DNAH11: variants seen among roughly 807,000 people sequenced by gnomAD.
The protein encoded by DNAH11 is axonemal beta dynein heavy chain 11.
DNAH11 carries 442 observed loss-of-function variants against 526.0 expected under a neutral mutation model. The ratio of observed to expected loss-of-function variants is 0.84; its 90% CI spans 0.78 to 0.91. The LOEUF is 0.91. DNAH11 is among the 40% of genes least tolerant of loss of function. The probability of loss-of-function intolerance (pLI) is 0.00; values close to 1 mark genes in which losing one functional copy is unlikely to be tolerated. For missense variants in DNAH11, 6,989 were observed against 5,448.7 expected (o/e 1.28, Z -8.90); for synonymous variants, 2,461 against 1,935.9 (o/e 1.27, Z -7.12).
At chr7:21,882,114 C>T (rs1001737050) in intron 75 of DNAH11, among the ~76,000 whole-genome samples, 2 of 152,118 alleles carry the variant, frequency 1.3e-5, no homozygotes, top group African/African-American at 2.4e-5. Context: ...CATAACTGTC[C>T]TGTGAGGCTG....
At chr7:21,679,094 C>T (rs1418693617) in intron 30 of DNAH11, among the ~76,000 whole-genome samples, 1 of 151,918 alleles carries the variant, frequency 6.6e-6, no homozygotes, top group African/African-American at 2.4e-5. Flanking sequence ...TTTGTGACAA[C>T]CTGGATGAAT....
At chr7:21,649,701 ATGCTGGAG>A (rs1375190542) in intron 28 of DNAH11, among the ~76,000 whole-genome samples, 12 of 144,696 alleles carry the variant, frequency 8.3e-5, no homozygotes, top group South Asian at 2.2e-4. Flanking sequence ...TCTGTCACCC[ATGCTGGAG>A]TGCTGGAGTG....
At chr7:21,846,830 C>G (rs1397804435) in intron 66 of DNAH11, among the ~76,000 whole-genome samples, 1 of 152,044 alleles carries the variant, frequency 6.6e-6, no homozygotes, top group Admixed American at 6.6e-5. Flanking sequence ...ATCATCTGGA[C>G]CTGGTGCTTT....
intron 8 of DNAH11, among the ~76,000 whole-genome samples, chr7:21,579,230 C>T (rs1040158676): frequency 4.6e-5 from 7 of 152,242 alleles, no homozygotes; most frequent in African/African-American, 1.7e-4. Flanking sequence ...CAGAATACAG[C>T]AACATTTTTA....
intron 34 of DNAH11, among the ~76,000 whole-genome samples, chr7:21,689,677 T>C (rs954578813): frequency 1.4e-4 from 21 of 152,248 alleles, no homozygotes; most frequent in African/African-American, 4.1e-4. Flanking sequence ...GTTTTCTCCA[T>C]TTTTATCTTG....
chr7:21,857,438 C>T (rs866874939), intron 68 of DNAH11, among the ~76,000 whole-genome samples: 1 of 152,010 alleles, frequency 6.6e-6, no homozygotes, highest in Non-Finnish European at 1.5e-5. Flanking sequence ...CACCAGAAGA[C>T]ATTTCCTTTT....
intron 31 of DNAH11, 163 bp downstream of exon 31, chr7:21,681,840 C>T: frequency 1.1e-6 from 1 of 907,288 alleles, no homozygotes; most frequent in Non-Finnish European, 1.8e-6. Context: ...TTTGGTTAGC[C>T]AATATATTAT....
intron 30 of DNAH11, among the ~76,000 whole-genome samples, chr7:21,666,533 C>G (rs1782425967): frequency 6.6e-6 from 1 of 152,046 alleles, no homozygotes; most frequent in South Asian, 2.1e-4. Flanking sequence ...ATTAACCATC[C>G]TCTCCCTCTC....
chr7:21,681,589 T>C lies in DNAH11; in HGVS notation c.5372T>C (p.Leu1791Pro), dbSNP rs1341240359. The change falls in exon 31 of 82, where the codon CTT becomes CCT. Residue 1791 changes from leucine (L) to proline (P), a missense_variant. Physicochemically the swap from Leu to Pro is moderately conservative, Grantham distance 98. Coordinates refer to ENST00000409508, the MANE Select transcript of DNAH11 (RefSeq NM_001277115.2). ...NTLITLLLGE[L>P]PPGDRQKIMT... Reference sequence around the variant, plus strand: ...CTGATTACACTTTTGCTGGGAGAACTTCCACCTGGAGACAGACAGAAGATC... The same window carrying C: ...CTGATTACACTTTTGCTGGGAGAACCTCCACCTGGAGACAGACAGAAGATC... 4 of 1,613,930 alleles carry C rather than the reference T, an allele frequency of 2.5e-6. No individual in the cohort carries two copies. Among genetic ancestry groups the C allele is most frequent in the Non-Finnish European group, 3.4e-6 (4 of 1,179,820 alleles).
At chr7:21,732,454 A>T (rs1785423232) in intron 45 of DNAH11, among the ~76,000 whole-genome samples, 1 of 152,090 alleles carries the variant, frequency 6.6e-6, no homozygotes, top group East Asian at 1.9e-4. Flanking sequence ...CACGACATGA[A>T]TGTTGGGGGG....
chr7:21,733,115 A>G (rs1785450897), intron 45 of DNAH11, among the ~76,000 whole-genome samples: 1 of 152,186 alleles, frequency 6.6e-6, no homozygotes, highest in South Asian at 2.1e-4. Context: ...GGCCAGGTGC[A>G]GTGACTCAAG....
At chr7:21,549,180 A>C (rs890687730) in intron 2 of DNAH11, among the ~76,000 whole-genome samples, 1 of 152,190 alleles carries the variant, frequency 6.6e-6, no homozygotes, top group African/African-American at 2.4e-5. Context: ...TACCTGGCCA[A>C]TGACAGACTT....
At chr7:21,643,288 T>TA (rs531641443) in intron 28 of DNAH11, among the ~76,000 whole-genome samples, 27 of 152,372 alleles carry the variant, frequency 1.8e-4, no homozygotes, top group Non-Finnish European at 4.0e-4. Flanking sequence ...CAGGTTGTTA[T>TA]ATACTACCTT....
chr7:21,659,950 C>CT lies in DNAH11; in HGVS notation c.5328+920dup, dbSNP rs1782175327. 2.6e-5 allele frequency among the ~76,000 whole-genome samples: 4 copies of CT among 152,070 alleles called. No homozygotes were observed. The South Asian group carries it at 8.3e-4, about 32-fold the overall frequency. Reference sequence around the variant, plus strand: ...GCGACCACCCAACTTATTTATATTACTAAAGAAGTGTTTGTACCACTTACT... The same window carrying CT: ...GCGACCACCCAACTTATTTATATTACTTAAAGAAGTGTTTGTACCACTTACT... On this transcript the variant is annotated intron_variant, in intron 30 of 81. Transcript: ENST00000409508.
intron 65 of DNAH11, among the ~76,000 whole-genome samples, chr7:21,829,411 A>G (rs748688706): frequency 6.6e-5 from 10 of 152,290 alleles, no homozygotes; most frequent in African/African-American, 9.6e-5. Context: ...TAATAATACA[A>G]TATCTTAGGA....
chr7:21,821,357 T>A (rs924842354), intron 65 of DNAH11, among the ~76,000 whole-genome samples: 1 of 152,258 alleles, frequency 6.6e-6, no homozygotes, highest in Middle Eastern at 3.4e-3. Flanking sequence ...GGAATATCTA[T>A]CTGGCGAAGC....
Position 21,735,621 on chromosome 7 carries a change from A to G in DNAH11, c.7441-19A>G, listed in dbSNP as rs10247099. 1.4e-3 allele frequency: 2,252 copies of G among 1,559,458 alleles called. 34 individuals carry two copies. In the African/African-American group the frequency reaches 0.028, roughly 19 times the overall value. ...TCTCTCTCTTTCTGATCTTTGTCTC[A>G]TTCTGTTTCTCCTCCCAGACAGTTC... On this transcript the variant is annotated intron_variant, in intron 45 of 81. Transcript: ENST00000409508.
chr7:21,719,339 G>T (rs1461384327), intron 43 of DNAH11, among the ~76,000 whole-genome samples: 1 of 152,188 alleles, frequency 6.6e-6, no homozygotes, highest in African/African-American at 2.4e-5. Flanking sequence ...GCCTCTTTAA[G>T]TTTGGTAAGG....
chr7:21,652,119 G>A (rs927426447), intron 28 of DNAH11, among the ~76,000 whole-genome samples: 4 of 152,156 alleles, frequency 2.6e-5, no homozygotes, highest in African/African-American at 7.2e-5. Context: ...GAGAGCTGAC[G>A]GACAGTGATG....
Sources: allele counts gnomAD v4.1 joint callset (sites outside exome capture counted in the v4.1 genomes callset), GRCh38; gene constraint gnomAD v4.1.1; transcripts MANE v1.5; gene names NCBI Gene and HGNC (gene_info 2026-07-23, HGNC 2026-07-21).